Variants in TRHDE observed in about 807,000 individuals in gnomAD.
TRHDE encodes the protein thyrotropin-releasing hormone-degrading ectoenzyme.
Under a neutral mutation model 125.7 loss-of-function variants are expected in TRHDE, and 72 were observed. The observed-to-expected ratio is 0.57, with a 90% CI of 0.47 to 0.70. The LOEUF (loss-of-function observed/expected upper bound fraction) is 0.70, where lower values mean the gene tolerates loss of function less well. Among genes scored for constraint, TRHDE ranks in the 30% least tolerant of loss-of-function variants. The pLI, the probability that TRHDE is intolerant of heterozygous loss-of-function variation, is 0.00. For missense variants in TRHDE, 1,110 were observed against 1,327.1 expected, an observed-to-expected ratio of 0.84 and a Z score of 2.54; for synonymous variants, 509 against 509.1, an observed-to-expected ratio of 1.00 and a Z score of 0.00.
chr12:72,520,288 GC>G (rs1388504358), intron 6 of TRHDE, among the ~76,000 whole-genome samples: 1 of 152,208 alleles, frequency 6.6e-6, no homozygotes, highest in East Asian at 1.9e-4. Context: ...CTAGCAATCA[GC>G]GAGACTCCGT....
intron 2 of TRHDE, among the ~76,000 whole-genome samples, chr12:72,368,949 A>G (rs1033280009): frequency 1.3e-5 from 2 of 152,112 alleles, no homozygotes; most frequent in African/African-American, 4.8e-5. Flanking sequence ...CCAAGTCCAG[A>G]TATGGTCTCA....
intron 12 of TRHDE, among the ~76,000 whole-genome samples, chr12:72,587,722 T>C (rs1361709291): frequency 1.3e-5 from 2 of 152,148 alleles, no homozygotes; most frequent in East Asian, 3.8e-4. Context: ...AAGTATTTTA[T>C]ACACATGAAT....
intron 5 of TRHDE, among the ~76,000 whole-genome samples, chr12:72,492,815 A>G (rs1011158172): frequency 7.2e-5 from 11 of 151,936 alleles, no homozygotes; most frequent in Non-Finnish European, 1.3e-4. Flanking sequence ...CATAAATTAT[A>G]TATCTTATTT....
At chr12:72,101,415 T>C (rs1364947486) in intron 1 of TRHDE, among the ~76,000 whole-genome samples, 1 of 152,220 alleles carries the variant, frequency 6.6e-6, no homozygotes, top group Non-Finnish European at 1.5e-5. Context: ...GGATGGCTGA[T>C]GTACAATCCT....
chr12:72,401,191 T>G (rs1873029139), intron 3 of TRHDE, among the ~76,000 whole-genome samples: 1 of 152,214 alleles, frequency 6.6e-6, no homozygotes, highest in Non-Finnish European at 1.5e-5. Flanking sequence ...GGCAGATCTC[T>G]ATGACAGTTT....
intron 1 of TRHDE, among the ~76,000 whole-genome samples, chr12:72,285,898 GT>G (rs1220304295): frequency 1.3e-5 from 2 of 152,176 alleles, no homozygotes; most frequent in East Asian, 3.8e-4. Context: ...GGTGCTTTCA[GT>G]TGGAATTTTA....
chr12:72,167,137 G>C (rs565032800), intron 2 of TRHDE, among the ~76,000 whole-genome samples: 2 of 152,110 alleles, frequency 1.3e-5, no homozygotes, highest in African/African-American at 2.4e-5. Flanking sequence ...AAGTGAACAT[G>C]ATGGTCACTT....
chr12:72,123,105 A>T (rs1253398886), intron 2 of TRHDE, among the ~76,000 whole-genome samples: 1 of 152,190 alleles, frequency 6.6e-6, no homozygotes, highest in Non-Finnish European at 1.5e-5. Flanking sequence ...ATACACAGGC[A>T]ATACTGTTTT....
intron 12 of TRHDE, among the ~76,000 whole-genome samples, chr12:72,602,517 A>C (rs1872248976): frequency 3.3e-5 from 5 of 152,184 alleles, no homozygotes; most frequent in Admixed American, 3.3e-4. Flanking sequence ...AGAGCAGGAA[A>C]CAAATTCAGG....
intron 1 of TRHDE, among the ~76,000 whole-genome samples, chr12:72,098,315 T>C (rs1160837411): frequency 6.6e-6 from 1 of 152,174 alleles, no homozygotes; most frequent in African/African-American, 2.4e-5. Flanking sequence ...TTTTACCCTG[T>C]TTCCCCCAGT....
At chr12:72,157,254 C>G (rs1228064400) in intron 2 of TRHDE, among the ~76,000 whole-genome samples, 1 of 151,748 alleles carries the variant, frequency 6.6e-6, no homozygotes, top group Non-Finnish European at 1.5e-5. Flanking sequence ...AAGATGAAGA[C>G]AGAGAGGTAG....
intron 3 of TRHDE, among the ~76,000 whole-genome samples, chr12:72,428,123 G>A (rs771559143): frequency 6.6e-6 from 1 of 152,180 alleles, no homozygotes; most frequent in Admixed American, 6.6e-5. Context: ...TCATATATAT[G>A]TAATTTTGCA....
chr12:72,476,431 A>G (rs1364299734), intron 5 of TRHDE, among the ~76,000 whole-genome samples: 1 of 152,222 alleles, frequency 6.6e-6, no homozygotes, highest in African/African-American at 2.4e-5. Flanking sequence ...CTCTGCCAGC[A>G]CGAATTTTCA....
chr12:72,615,199 C>A (rs1028456824), intron 12 of TRHDE, among the ~76,000 whole-genome samples: 1 of 152,110 alleles, frequency 6.6e-6, no homozygotes, highest in Non-Finnish European at 1.5e-5. Context: ...GTATAACCTA[C>A]AACCTCTTCC....
intron 2 of TRHDE, among the ~76,000 whole-genome samples, chr12:72,318,929 A>T (rs548327816): frequency 6.6e-6 from 1 of 152,186 alleles, no homozygotes; most frequent in South Asian, 2.1e-4. Flanking sequence ...TGGTAGGATG[A>T]TTCTGGAAGG....
At chr12:72,559,428 T>C (rs1253758387) in intron 7 of TRHDE, among the ~76,000 whole-genome samples, 1 of 152,216 alleles carries the variant, frequency 6.6e-6, no homozygotes, top group Non-Finnish European at 1.5e-5. Context: ...AGGCTCTTGT[T>C]ACTGCATTTT....
At chr12:72,386,128 C>T (rs12371759) in intron 3 of TRHDE, among the ~76,000 whole-genome samples, 43,002 of 151,968 alleles carry the variant, frequency 0.28, 7,125 homozygotes, top group East Asian at 0.37. Flanking sequence ...TGCCCTCCTT[C>T]GCCTTTCTCT....
intron 2 of TRHDE, among the ~76,000 whole-genome samples, chr12:72,336,433 C>T (rs569691650): frequency 6.6e-6 from 1 of 152,294 alleles, no homozygotes; most frequent in South Asian, 2.1e-4. Context: ...AATTTGCTTT[C>T]TCTGTGCCTT....
chr12:72,457,235 C>G (rs932539722), intron 3 of TRHDE, among the ~76,000 whole-genome samples: 4 of 152,060 alleles, frequency 2.6e-5, no homozygotes, highest in Admixed American at 2.0e-4. Context: ...TGATAAGGTT[C>G]TATTTTTAGT....
Sources: gnomAD v4.1 joint callset for allele counts (sites outside exome capture counted in the v4.1 genomes callset) on GRCh38, gnomAD v4.1.1 for gene constraint, MANE v1.5 for transcripts, NCBI Gene and HGNC (gene_info 2026-07-23, HGNC 2026-07-21) for gene names.